The following MPRIP variants were observed in gnomAD, a reference collection of about 807,000 sequenced individuals.
The protein encoded by MPRIP is myosin phosphatase Rho interacting protein.
MPRIP carries 59 observed loss-of-function variants against 234.9 expected under a neutral mutation model. The observed-to-expected ratio is 0.25, with a 90% CI of 0.20 to 0.31. MPRIP has a LOEUF of 0.31. MPRIP is among the 10% of genes least tolerant of loss of function. The probability of loss-of-function intolerance (pLI) is 1.00; values close to 1 mark genes in which losing one functional copy is unlikely to be tolerated. For missense variants in MPRIP, 2,436 were observed against 3,071.0 expected (o/e 0.79, Z 4.89); for synonymous variants, 1,144 against 1,263.9 (o/e 0.91, Z 2.01).
intron 1 of MPRIP, among the ~76,000 whole-genome samples, chr17:17,044,938 C>T (rs1225531496): frequency 1.3e-5 from 2 of 152,156 alleles, no homozygotes; most frequent in African/African-American, 4.8e-5. Context: ...CATTCTACCT[C>T]CTGGGATCTT....
intron 3 of MPRIP, among the ~76,000 whole-genome samples, chr17:17,084,735 T>C (rs376751697): frequency 9.1e-4 from 139 of 152,348 alleles, no homozygotes; most frequent in African/African-American, 3.2e-3. Context: ...GTTTGTCTGT[T>C]GCTGCAGACT....
At chr17:17,170,179 T>C (rs1439199572) in intron 16 of MPRIP, 1 of 145,280 alleles carries the variant, frequency 6.9e-6, no homozygotes, top group Non-Finnish European at 1.5e-5. Context: ...CATGAAGTAT[T>C]CCATATATAT....
At chr17:17,073,484 T>C (rs186868678) in intron 1 of MPRIP, among the ~76,000 whole-genome samples, 2 of 152,274 alleles carry the variant, frequency 1.3e-5, no homozygotes, top group East Asian at 3.9e-4. Flanking sequence ...ATGTAGCTGA[T>C]TATGTGATGA....
chr17:17,174,767 G>A (rs187027310), intron 19 of MPRIP, among the ~76,000 whole-genome samples: 118 of 151,564 alleles, frequency 7.8e-4, no homozygotes, highest in Non-Finnish European at 9.9e-4. Context: ...CTCGGGAGGC[G>A]GAGCCTGGGT....
rs556413458 is a variant in MPRIP at position 17,164,867 on chromosome 17, C to T, written c.3276C>T (p.Ser1092=). Residue 1092 remains serine, a synonymous_variant, in exon 16 of 24, where the codon AGC becomes AGT. Transcript: ENST00000651222. ...AGCAGCTGGAGGCACGAGAGGCCAG[C>T]GTGCGCAGGCTCGCAGAGCACGTGC... is the stretch of plus-strand genomic sequence containing the variant. ...LEEQLEAREA[S]VRRLAEHVQS... 660 of 1,303,798 alleles carry T rather than the reference C, an allele frequency of 5.1e-4. No homozygotes were observed. The highest frequency in any genetic ancestry group is 6.3e-4 in the Non-Finnish European group (627 of 988,864). The allele number at this position is 1,303,798 out of a possible 1,614,324, so 80.8% of individuals were successfully genotyped here.
At chr17:17,046,343 G>A (rs768594891) in intron 1 of MPRIP, among the ~76,000 whole-genome samples, 4 of 152,016 alleles carry the variant, frequency 2.6e-5, no homozygotes, top group African/African-American at 9.7e-5. Context: ...TGAATGTTTC[G>A]GCAAAGAGTC....
intron 1 of MPRIP, among the ~76,000 whole-genome samples, chr17:17,064,663 T>G (rs535816736): frequency 1.3e-5 from 2 of 152,192 alleles, no homozygotes; most frequent in African/African-American, 2.4e-5. Context: ...CCTTTGAGAT[T>G]GGCTTTTTTC....
In MPRIP at chr17:17,174,064, G is replaced by A. The variant is rs1597510989; in HGVS notation, c.6739G>A (p.Ala2247Thr). Residue 2247 changes from alanine (A) to threonine (T), a missense_variant, in exon 19 of 24, where the codon GCC becomes ACC. Physicochemically the swap from Ala to Thr is moderately conservative, Grantham distance 58. Transcript: ENST00000651222. ...CCAGCGTGAGAACCAGGAGCTCAAT[G>A]CCCACAACCAGGTGAGCCTGCAGCC... is the stretch of plus-strand genomic sequence containing the variant. ...QCQRENQELN[A>T]HNQELNNRLA... is the part of the protein sequence containing the mutation. The A allele has an allele frequency of 6.2e-7, 1 of 1,613,270 alleles. No homozygotes were observed. The highest frequency in any genetic ancestry group is 8.5e-7 in the Non-Finnish European group (1 of 1,179,908).
At chr17:17,146,741 TC>T (rs761681604) in intron 10 of MPRIP, among the ~76,000 whole-genome samples, 52 of 152,304 alleles carry the variant, frequency 3.4e-4, no homozygotes, top group African/African-American at 6.7e-4. Context: ...CCATCCTCAC[TC>T]CCTTCCTGCT....
chr17:17,076,680 G>T (rs1567698834), intron 2 of MPRIP, among the ~76,000 whole-genome samples: 2 of 152,174 alleles, frequency 1.3e-5, no homozygotes, highest in Non-Finnish European at 2.9e-5. Context: ...AGGCCTCTTT[G>T]CAAGGCCCTT....
rs186834150 is a variant in MPRIP, at chr17:17,063,363, T to G, written c.124-12347T>G. ...TTGTCCCCAGCGAGGAGATGTGGTGTTGTGAGAGAGAAGGAATACATTTGG... is the reference window on the plus strand; with the variant it reads ...TTGTCCCCAGCGAGGAGATGTGGTGGTGTGAGAGAGAAGGAATACATTTGG... On this transcript the variant is annotated intron_variant, in intron 1 of 23. Coordinates refer to ENST00000651222, the MANE Select transcript of MPRIP (RefSeq NM_001364716.4). Among the ~76,000 whole-genome samples the G allele has an allele frequency of 5.9e-5, 9 of 152,268 alleles. No homozygotes were observed. The South Asian group carries it at 8.3e-4, about 14-fold the overall frequency.
At chr17:17,149,977 G>A (rs1045623829) in intron 11 of MPRIP, 167 bp from the exon 12 acceptor site, 7 of 583,470 alleles carry the variant, frequency 1.2e-5, no homozygotes, top group Non-Finnish European at 2.2e-5. Context: ...ATTGCACCCA[G>A]TGAGGGGCCT....
chr17:17,151,533 C>T (rs544860032), intron 12 of MPRIP, among the ~76,000 whole-genome samples: 97 of 152,192 alleles, frequency 6.4e-4, no homozygotes, highest in Non-Finnish European at 8.7e-4. Context: ...AGTTGAACTC[C>T]ACCTAAAGCC....
intron 7 of MPRIP, chr17:17,141,553 G>T (rs58629002): frequency 5.4e-4 from 83 of 152,600 alleles, no homozygotes; most frequent in Non-Finnish European, 1.0e-3. Flanking sequence ...TCCTCTCTCC[G>T]GGGGTGAAGA....
At chr17:17,101,909 C>T (rs1011804924) in intron 3 of MPRIP, among the ~76,000 whole-genome samples, 7 of 152,176 alleles carry the variant, frequency 4.6e-5, no homozygotes, top group African/African-American at 1.7e-4. Context: ...GGAGGTCAGG[C>T]TTGGCCTAAA....
intron 12 of MPRIP, 147 bp downstream of exon 12, chr17:17,150,380 C>T: frequency 1.6e-6 from 1 of 610,148 alleles, no homozygotes; most frequent in South Asian, 2.0e-5. Flanking sequence ...CCCTTGACAC[C>T]TCTGTCCTGT....
At chr17:17,077,857 T>C (rs2144054221) in intron 2 of MPRIP, 154 bp from the exon 3 acceptor site, 1 of 697,982 alleles carries the variant, frequency 1.4e-6, no homozygotes, top group Non-Finnish European at 2.6e-6. Context: ...TTCTTGTGCC[T>C]CGGGTCCCTC....
intron 4 of MPRIP, among the ~76,000 whole-genome samples, chr17:17,129,470 G>C (rs2090555909): frequency 6.6e-6 from 1 of 152,178 alleles, no homozygotes; most frequent in Non-Finnish European, 1.5e-5. Context: ...CAAGTGCAGA[G>C]GACACATTCC....
chr17:17,191,482 CAG>C lies in MPRIP; in HGVS notation c.*6590_*6591del, dbSNP rs1329455527. 2 of 152,200 alleles carry C rather than the reference CAG, an allele frequency of 1.3e-5. No homozygotes were observed. Among genetic ancestry groups the C allele is most frequent in the Non-Finnish European group, 2.9e-5 (2 of 68,040 alleles). The allele number at this position is 152,200 out of a possible 1,614,324, so 9.4% of individuals were successfully genotyped here. ...TGTTTTTTACAGCACCTATTTTTGT[CAG>C]ATTGGTAAGGAAACACTGAGTCACA... On this transcript the variant is annotated 3_prime_UTR_variant, in exon 24 of 24. Coordinates refer to ENST00000651222, the MANE Select transcript of MPRIP (RefSeq NM_001364716.4).
Sources: gnomAD v4.1 joint callset for allele counts (sites outside exome capture counted in the v4.1 genomes callset) on GRCh38, gnomAD v4.1.1 for gene constraint, MANE v1.5 for transcripts, NCBI Gene and HGNC (gene_info 2026-07-23, HGNC 2026-07-21) for gene names.